TFAP2E: variants seen among roughly 807,000 people sequenced by gnomAD.
The protein encoded by TFAP2E is transcription factor AP-2 epsilon.
A neutral mutation model predicts 37.9 loss-of-function variants in TFAP2E; 30 were observed. The ratio of observed to expected loss-of-function variants is 0.79; its 90% confidence interval spans 0.59 to 1.07. The LOEUF (loss-of-function observed/expected upper bound fraction) is 1.07, where lower values mean the gene tolerates loss of function less well. TFAP2E is among the 50% of genes least tolerant of loss of function. TFAP2E has a pLI of 0.00. For missense variants in TFAP2E, 567 were observed against 637.9 expected (o/e 0.89, Z 1.20); for synonymous variants, 318 against 295.8 (o/e 1.08, Z -0.77).
At position 35,574,190 on chromosome 1, in the gene TFAP2E, G is replaced by A. The variant is rs1649097154; in HGVS notation, c.291G>A (p.Gln97=). The change falls in exon 2 of 7, where the codon CAG becomes CAA. Residue 97 remains glutamine, a synonymous_variant. Coordinates refer to ENST00000373235, the MANE Select transcript of TFAP2E (RefSeq NM_178548.4). The part of the protein sequence containing the change: ...LAPLAQPQPP[Q]AAWAAPRAAA... ...CCCTGGCGCAGCCGCAGCCTCCTCA[G>A]GCCGCCTGGGCCGCGCCCCGCGCAG... 3.0e-6 allele frequency: 4 copies of A among 1,334,528 alleles called. No individual in the cohort carries two copies. Among genetic ancestry groups the A allele is most frequent in the Non-Finnish European group, 1.9e-6 (2 of 1,044,086 alleles). 82.7% of individuals were successfully genotyped at this position (1,334,528 alleles called of 1,614,324 possible). A position where few individuals can be genotyped will look rare whatever the true frequency, so the allele number is the denominator to read the frequency against.
Position 35,588,638 on chromosome 1 carries a change from T to C in TFAP2E, c.785+86T>C. On this transcript the variant is annotated intron_variant, in intron 4 of 6. Coordinates refer to ENST00000373235, the MANE Select transcript of TFAP2E (RefSeq NM_178548.4). The surrounding 1 kb of genome is among the most constrained non-coding windows in gnomAD (Gnocchi z 5.1). Reference sequence around the variant, plus strand: ...CAAGGCATCAGAGAGGAGGCCAGTCTCACCTAGGCCCTCTGCCTCAGTCTC... The same window carrying C: ...CAAGGCATCAGAGAGGAGGCCAGTCCCACCTAGGCCCTCTGCCTCAGTCTC... 2.2e-6 allele frequency: 3 copies of C among 1,348,066 alleles called. No homozygotes were observed. The highest frequency in any genetic ancestry group is 3.0e-6 in the Non-Finnish European group (3 of 1,002,092). 83.5% of individuals were successfully genotyped at this position (1,348,066 alleles called of 1,614,324 possible). A position where few individuals can be genotyped will look rare whatever the true frequency, so the allele number is the denominator to read the frequency against.
Position 35,573,661 on chromosome 1 carries a change from T to C in TFAP2E, c.27+57T>C. 1.3e-6 allele frequency: 2 copies of C among 1,532,518 alleles called. No homozygotes were observed. The highest frequency in any genetic ancestry group is 2.0e-5 in the Admixed American group (1 of 49,144). The allele number at this position is 1,532,518 out of a possible 1,614,324, so 94.9% of individuals were successfully genotyped here. A position where few individuals can be genotyped will look rare whatever the true frequency, so the allele number is the denominator to read the frequency against. ...CCGGGGGATCGGGGCGCCTGAGTGC[T>C]GGACTTTCCAACCCTCCTGTCCCGC... On this transcript the variant is annotated intron_variant, in intron 1 of 6. Transcript: ENST00000373235. This position sits in a 1 kb window ranked among gnomAD's most constrained non-coding sequence, Gnocchi z 5.9.
intron 3 of TFAP2E, among the ~76,000 whole-genome samples, chr1:35,578,782 C>A (rs549972045): frequency 6.6e-6 from 1 of 151,992 alleles, no homozygotes; most frequent in East Asian, 1.9e-4. Context: ...TGAGAGGGTG[C>A]CAAAAAACTC....
Position 35,590,116 on chromosome 1 carries a change from C to G in TFAP2E, c.904+68C>G. On this transcript the variant is annotated intron_variant, in intron 5 of 6. Coordinates refer to ENST00000373235, the MANE Select transcript of TFAP2E (RefSeq NM_178548.4). The surrounding 1 kb of genome is among the most constrained non-coding windows in gnomAD (Gnocchi z 6.2). Reference sequence around the variant, plus strand: ...CAAGTGAGTTGTCTGGTGTGACTGTCTCTAATGCAGGAGGGTGTGTTTAGT... The same window carrying G: ...CAAGTGAGTTGTCTGGTGTGACTGTGTCTAATGCAGGAGGGTGTGTTTAGT... 6.9e-7 allele frequency: 1 copy of G among 1,443,042 alleles called. No homozygotes were observed. The highest frequency in any genetic ancestry group is 9.7e-7 in the Non-Finnish European group (1 of 1,028,630). The allele number at this position is 1,443,042 out of a possible 1,614,324, so 89.4% of individuals were successfully genotyped here.
chr1:35,586,418 G>T (rs1055472825), intron 3 of TFAP2E, among the ~76,000 whole-genome samples: 4 of 152,130 alleles, frequency 2.6e-5, no homozygotes, highest in African/African-American at 9.7e-5. Flanking sequence ...GAACTGACCG[G>T]GCTCTGATGA....
At position 35,590,499 on chromosome 1, in the gene TFAP2E, G is replaced by A. The variant is rs1020647502; in HGVS notation, c.905-135G>A. 2.2e-5 allele frequency: 24 copies of A among 1,096,738 alleles called. No individual in the cohort carries two copies. The Admixed American group carries it at 7.7e-4, about 35-fold the overall frequency. The allele number at this position is 1,096,738 out of a possible 1,614,324, so 67.9% of individuals were successfully genotyped here. A position where few individuals can be genotyped will look rare whatever the true frequency, so the allele number is the denominator to read the frequency against. ...ATGGAATGGGGGCTGGAGCTGGGCT[G>A]GGAAGGAACATCAGAGGGGGCATCT... is the stretch of plus-strand genomic sequence containing the variant. On this transcript the variant is annotated intron_variant, in intron 5 of 6. Coordinates refer to ENST00000373235, the MANE Select transcript of TFAP2E (RefSeq NM_178548.4). The surrounding 1 kb of genome is among the most constrained non-coding windows in gnomAD (Gnocchi z 6.2).
chr1:35,579,322 C>A (rs897787790), intron 3 of TFAP2E, among the ~76,000 whole-genome samples: 9 of 149,492 alleles, frequency 6.0e-5, no homozygotes, highest in South Asian at 2.1e-4. Context: ...CTTGAACCTG[C>A]GGGGCGGAGG....
At chr1:35,579,466 C>T (rs1031020549) in intron 3 of TFAP2E, among the ~76,000 whole-genome samples, 4 of 152,138 alleles carry the variant, frequency 2.6e-5, no homozygotes, top group Non-Finnish European at 4.4e-5. Flanking sequence ...TGCAGCACCA[C>T]GATCTCAGCT....
At chr1:35,587,939 T>C (rs939857964) in intron 3 of TFAP2E, among the ~76,000 whole-genome samples, 8 of 151,916 alleles carry the variant, frequency 5.3e-5, no homozygotes, top group Non-Finnish European at 7.4e-5. Flanking sequence ...GAATCACGAA[T>C]GGGAAGAGGG....
In TFAP2E at chr1:35,594,490, CT is replaced by C. The variant is rs1187113133; in HGVS notation, c.1144del (p.Cys382AlafsTer2). 1 of 1,614,190 alleles carries C rather than the reference CT, an allele frequency of 6.2e-7. No homozygotes were observed. On this transcript the variant is annotated frameshift_variant, in exon 7 of 7. Transcript: ENST00000373235. LOFTEE classifies it high-confidence loss of function. ...ALILEPGVQS[C>X]LTHFSLITHG... ...TCATCCTGGAGCCCGGAGTACAGAG[CT>C]GCTTGACACACTTTAGCCTCATCAC... is the stretch of plus-strand genomic sequence containing the variant.
chr1:35,590,935 C>T lies in TFAP2E; in HGVS notation c.1046+160C>T, dbSNP rs1262677628. Among the ~76,000 whole-genome samples, 3 of 151,926 alleles carry T rather than the reference C, an allele frequency of 2.0e-5. No homozygotes were observed. The highest frequency in any genetic ancestry group is 4.4e-5 in the Non-Finnish European group (3 of 67,938). Reference sequence around the variant, plus strand: ...CAGTGGGCACACACACATACGTGCGCACCACTGTGTACATCAGCAGTGAGC... The same window carrying T: ...CAGTGGGCACACACACATACGTGCGTACCACTGTGTACATCAGCAGTGAGC... On this transcript the variant is annotated intron_variant, in intron 6 of 6. Coordinates refer to ENST00000373235, the MANE Select transcript of TFAP2E (RefSeq NM_178548.4). The surrounding 1 kb of genome is among the most constrained non-coding windows in gnomAD (Gnocchi z 6.2).
At position 35,594,799 on chromosome 1, in the gene TFAP2E, C is replaced by T. The variant is rs115133367; in HGVS notation, c.*123C>T. The T allele has an allele frequency of 1.2e-3, 1,679 of 1,398,772 alleles. 17 individuals carry two copies. In the African/African-American group the frequency reaches 0.022, roughly 19 times the overall value. The allele number at this position is 1,398,772 out of a possible 1,614,324, so 86.6% of individuals were successfully genotyped here. ...GTCAGGCCAGAAAGAGAACATTCATCCAGAGATCCCAGAGTTGGGGATCTG... is the reference window on the plus strand; with the variant it reads ...GTCAGGCCAGAAAGAGAACATTCATTCAGAGATCCCAGAGTTGGGGATCTG... On this transcript the variant is annotated 3_prime_UTR_variant, in exon 7 of 7. Transcript: ENST00000373235.
At position 35,588,307 on chromosome 1, in the gene TFAP2E, C is replaced by A; in HGVS notation, c.563-23C>A. On this transcript the variant is annotated intron_variant, in intron 3 of 6. Coordinates refer to ENST00000373235, the MANE Select transcript of TFAP2E (RefSeq NM_178548.4). The surrounding 1 kb of genome is among the most constrained non-coding windows in gnomAD (Gnocchi z 5.1). ...GGGCTGTGTGCGGCAGCCACTGGCT[C>A]AGCGTTTCCCTCTTCTCCACAGTGC... 6.3e-7 allele frequency: 1 copy of A among 1,587,846 alleles called. No individual in the cohort carries two copies. The highest frequency in any genetic ancestry group is 8.6e-7 in the Non-Finnish European group (1 of 1,162,448).
In TFAP2E at chr1:35,577,441, C is replaced by A; in HGVS notation, c.562+2441C>A. 1 of 456,788 alleles carries A rather than the reference C, an allele frequency of 2.2e-6. No homozygotes were observed. Among genetic ancestry groups the A allele is most frequent in the Non-Finnish European group, 4.4e-6 (1 of 226,974 alleles). 28.3% of individuals were successfully genotyped at this position (456,788 alleles called of 1,614,324 possible). ...CACGAGGAACTCCTGTCCTGCCCCA[C>A]AGACCTTCGGCCTCCGCCGAGTGCG... On this transcript the variant is annotated intron_variant, in intron 3 of 6. Coordinates refer to ENST00000373235, the MANE Select transcript of TFAP2E (RefSeq NM_178548.4). The surrounding 1 kb of genome is among the most constrained non-coding windows in gnomAD (Gnocchi z 6.3).
intron 3 of TFAP2E, among the ~76,000 whole-genome samples, chr1:35,583,118 C>CT (rs1481171825): frequency 6.6e-6 from 1 of 152,022 alleles, no homozygotes; most frequent in Non-Finnish European, 1.5e-5. Flanking sequence ...CCAAGTTGCT[C>CT]TTAAACTCCT....
At position 35,574,133 on chromosome 1, in the gene TFAP2E, C is replaced by T. The variant is rs1649094089; in HGVS notation, c.234C>T (p.His78=). The change falls in exon 2 of 7, where the codon CAC becomes CAT. Residue 78 remains histidine (H), a synonymous_variant. Coordinates refer to ENST00000373235, the MANE Select transcript of TFAP2E (RefSeq NM_178548.4). ...CCGACGCCGCCGCAGCCTTTCCCCA[C>T]CTGGCAGGGGACCCATATGGCGGCC... is the stretch of plus-strand genomic sequence containing the variant. ...QAPDAAAAFP[H]LAGDPYGGLA... The T allele has an allele frequency of 1.4e-6, 2 of 1,452,170 alleles. No individual in the cohort carries two copies. Among genetic ancestry groups the T allele is most frequent in the South Asian group, 1.3e-5 (1 of 79,070 alleles). 90.0% of individuals were successfully genotyped at this position (1,452,170 alleles called of 1,614,324 possible).
chr1:35,582,083 A>G (rs1649366305), intron 3 of TFAP2E, among the ~76,000 whole-genome samples: 2 of 152,002 alleles, frequency 1.3e-5, no homozygotes, highest in Admixed American at 6.6e-5. Context: ...ACCACGTTGG[A>G]CAGGCTGGCT....
intron 3 of TFAP2E, among the ~76,000 whole-genome samples, chr1:35,578,545 T>G (rs190768670): frequency 6.0e-5 from 9 of 148,798 alleles, no homozygotes; most frequent in Non-Finnish European, 7.4e-5. Context: ...TGGAGGAGAG[T>G]GGGTGGTTGC....
At position 35,592,272 on chromosome 1, in the gene TFAP2E, G is replaced by A. The variant is rs185314355; in HGVS notation, c.1046+1497G>A. Among the ~76,000 whole-genome samples, 440 of 150,330 alleles carry A rather than the reference G, an allele frequency of 2.9e-3. 4 individuals are homozygous for A. The highest frequency in any genetic ancestry group is 4.0e-3 in the South Asian group (19 of 4,762). On this transcript the variant is annotated intron_variant, in intron 6 of 6. Transcript: ENST00000373235. The stretch of plus-strand genomic sequence containing the variant: ...TGTACTCTAGCCTGCGTGACATAGT[G>A]AGACCCCATCTCAAAAAAAAAAAAA...
Sources: allele counts gnomAD v4.1 joint callset (sites outside exome capture counted in the v4.1 genomes callset), GRCh38; gene constraint gnomAD v4.1.1; non-coding constraint Gnocchi (gnomAD v3.1); transcripts MANE v1.5; gene names NCBI Gene and HGNC (gene_info 2026-07-23, HGNC 2026-07-21).